Variants in RBFOX1 observed in about 807,000 individuals in gnomAD.
The protein encoded by RBFOX1 is RNA binding protein fox-1 homolog 1.
A neutral mutation model predicts 57.7 loss-of-function variants in RBFOX1; 8 were observed. The ratio of observed to expected loss-of-function variants is 0.14; its 90% CI spans 0.08 to 0.25. RBFOX1 has a LOEUF of 0.25. Ranked by LOEUF, RBFOX1 falls within the 10% of genes least tolerant of loss-of-function variation. RBFOX1 has a pLI of 1.00. For missense variants in RBFOX1, 611 were observed against 548.5 expected (o/e 1.11, Z -1.14); for synonymous variants, 326 against 222.4 (o/e 1.47, Z -4.15).
intron 3 of RBFOX1, among the ~76,000 whole-genome samples, chr16:5,714,988 C>T (rs565265817): frequency 9.2e-5 from 14 of 152,212 alleles, no homozygotes; most frequent in African/African-American, 1.9e-4. Context: ...TGAATAAACC[C>T]GAAGCAGATT....
At chr16:7,291,976 A>G (rs1164024787) in intron 4 of RBFOX1, among the ~76,000 whole-genome samples, 5 of 93,684 alleles carry the variant, frequency 5.3e-5, no homozygotes, top group Admixed American at 1.4e-4. Context: ...TATTTTATAT[A>G]TAATATAGAA....
intron 14 of RBFOX1, among the ~76,000 whole-genome samples, chr16:7,677,176 T>C (rs1342598907): frequency 1.4e-4 from 11 of 78,238 alleles, no homozygotes; most frequent in Admixed American, 1.3e-3. Flanking sequence ...AACCTTCTTA[T>C]GGTCTTCCAC....
intron 1 of RBFOX1, among the ~76,000 whole-genome samples, chr16:6,040,787 G>T (rs574757911): frequency 6.6e-6 from 1 of 152,020 alleles, no homozygotes; most frequent in Non-Finnish European, 1.5e-5. Flanking sequence ...GTAGAGACTG[G>T]GTTTCCTTAT....
intron 3 of RBFOX1, among the ~76,000 whole-genome samples, chr16:5,696,362 T>C (rs995257139): frequency 1.3e-5 from 2 of 152,238 alleles, no homozygotes; most frequent in East Asian, 1.9e-4. Context: ...TTAACTTCTG[T>C]ATAATATCTC....
chr16:6,711,411 C>G (rs1281197383), intron 3 of RBFOX1, among the ~76,000 whole-genome samples: 2 of 152,184 alleles, frequency 1.3e-5, no homozygotes, highest in Non-Finnish European at 2.9e-5. Flanking sequence ...TGGTTTGACT[C>G]TGTGTCCCCA....
At chr16:6,762,455 G>T (rs1030056540) in intron 3 of RBFOX1, among the ~76,000 whole-genome samples, 1 of 152,048 alleles carries the variant, frequency 6.6e-6, no homozygotes, top group African/African-American at 2.4e-5. Context: ...TTACCTACCT[G>T]TAAGAACAAA....
chr16:6,937,700 A>G (rs2077615964), intron 3 of RBFOX1, among the ~76,000 whole-genome samples: 1 of 152,090 alleles, frequency 6.6e-6, no homozygotes, highest in South Asian at 2.1e-4. Flanking sequence ...TGGTTAAAAG[A>G]GTTATTATCG....
At position 6,031,569 on chromosome 16, in the gene RBFOX1, A is replaced by G. The variant is rs369910738; in HGVS notation, c.-127+11577A>G. On this transcript the variant is annotated intron_variant, in intron 1 of 15. Coordinates refer to ENST00000550418, the MANE Select transcript of RBFOX1 (RefSeq NM_018723.4). ...TACACTTGTATGTGCACATGAGTGG[A>G]TGTGCACACACATCTCTGTATGTGT... 3.3e-4 allele frequency among the ~76,000 whole-genome samples: 51 copies of G among 152,268 alleles called. No homozygotes were observed. In the East Asian group the frequency reaches 8.9e-3, roughly 27 times the overall value.
intron 5 of RBFOX1, among the ~76,000 whole-genome samples, chr16:7,572,484 G>C (rs1055817234): frequency 2.0e-5 from 3 of 152,162 alleles, no homozygotes; most frequent in African/African-American, 7.2e-5. Context: ...ACTGGCATGT[G>C]GTGGGTGGAG....
intron 2 of RBFOX1, among the ~76,000 whole-genome samples, chr16:6,419,408 C>T (rs928156727): frequency 3.3e-5 from 5 of 152,154 alleles, no homozygotes; most frequent in African/African-American, 9.7e-5. Context: ...TCATCACTCA[C>T]GTGTGTCTCT....
intron 4 of RBFOX1, chr16:7,126,495 G>A: frequency 4.4e-6 from 1 of 228,076 alleles, no homozygotes; most frequent in South Asian, 7.2e-5. Context: ...ATCCCTGACT[G>A]CTGTGGCCTC....
rs533431652 is a variant in RBFOX1, at chr16:5,392,078, C to G, written c.220-75138C>G. Among the ~76,000 whole-genome samples, 307 of 152,022 alleles carry G rather than the reference C, an allele frequency of 2.0e-3. 1 individual carries two copies. Among genetic ancestry groups the G allele is most frequent in the Non-Finnish European group, 3.1e-3 (208 of 67,990 alleles). ...TTCTAACTCATAAGTGGGAGCTAAG[C>G]TATGAGGACGCAAAGGCATAAGAAT... is the stretch of plus-strand genomic sequence containing the variant. On this transcript the variant is annotated intron_variant, in intron 1 of 2. Transcript: ENST00000585867.
At chr16:6,277,058 C>G (rs2075875205) in intron 1 of RBFOX1, among the ~76,000 whole-genome samples, 1 of 152,150 alleles carries the variant, frequency 6.6e-6, no homozygotes, top group African/African-American at 2.4e-5. Flanking sequence ...CATGGGTTAT[C>G]ACTTTGTAAA....
At chr16:7,704,778 T>G (rs958440205) in intron 14 of RBFOX1, among the ~76,000 whole-genome samples, 3 of 152,136 alleles carry the variant, frequency 2.0e-5, no homozygotes, top group African/African-American at 7.2e-5. Context: ...AGGCTGGGTG[T>G]GGTAGCTCAT....
chr16:6,166,805 A>G (rs1488474467), intron 1 of RBFOX1, among the ~76,000 whole-genome samples: 1 of 151,494 alleles, frequency 6.6e-6, no homozygotes, highest in Non-Finnish European at 1.5e-5. Context: ...ATGGAGTCTC[A>G]CTCTGTTGCC....
chr16:6,889,390 A>G (rs1315246050), intron 3 of RBFOX1, among the ~76,000 whole-genome samples: 3 of 152,302 alleles, frequency 2.0e-5, no homozygotes, highest in East Asian at 1.9e-4. Flanking sequence ...GGCCAGTGAT[A>G]TCTTACATAT....
intron 2 of RBFOX1, among the ~76,000 whole-genome samples, chr16:6,562,559 G>A (rs900157566): frequency 2.6e-5 from 4 of 152,230 alleles, no homozygotes; most frequent in African/African-American, 9.6e-5. Flanking sequence ...GACACGATGT[G>A]TGTAATTGGA....
chr16:7,256,938 C>G (rs540754207), intron 4 of RBFOX1, among the ~76,000 whole-genome samples: 1 of 152,252 alleles, frequency 6.6e-6, no homozygotes, highest in Non-Finnish European at 1.5e-5. Flanking sequence ...ACATGGGAAA[C>G]AGCCTTTCTG....
chr16:5,586,170 A>G (rs1250363735), intron 2 of RBFOX1, among the ~76,000 whole-genome samples: 1 of 152,182 alleles, frequency 6.6e-6, no homozygotes, highest in Non-Finnish European at 1.5e-5. Flanking sequence ...GGGGAGAGGC[A>G]GAGCATAAAT....
Sources: allele counts gnomAD v4.1 joint callset (sites outside exome capture counted in the v4.1 genomes callset), GRCh38; gene constraint gnomAD v4.1.1; transcripts MANE v1.5; gene names NCBI Gene and HGNC (gene_info 2026-07-23, HGNC 2026-07-21).